The following HCN4 variants were observed in gnomAD, a reference collection of about 807,000 sequenced individuals.
HCN4 encodes the protein potassium/sodium hyperpolarization-activated cyclic nucleotide-gated channel 4.
HCN4 carries 29 observed loss-of-function variants against 76.9 expected under a neutral mutation model. The ratio of observed to expected loss-of-function variants is 0.38; its 90% CI spans 0.28 to 0.51. The LOEUF is 0.51. HCN4 is among the 20% of genes least tolerant of loss of function. The pLI is 0.90. For synonymous variants in HCN4, 772 were observed against 762.5 expected (o/e 1.01, Z -0.21); for missense variants, 1,416 against 1,715.2 (o/e 0.83, Z 3.08).
chr15:73,334,485 G>C (rs1470586472), intron 2 of HCN4, among the ~76,000 whole-genome samples: 1 of 151,986 alleles, frequency 6.6e-6, no homozygotes, highest in African/African-American at 2.4e-5. Flanking sequence ...TTAACACTTA[G>C]GTGAATGTGA....
Position 73,322,341 on chromosome 15 carries a change from C to T in HCN4, c.*140G>A. On this transcript the variant is annotated 3_prime_UTR_variant, in exon 8 of 8. Coordinates refer to ENST00000261917, the MANE Select transcript of HCN4 (RefSeq NM_005477.3). The stretch of plus-strand genomic sequence containing the variant: ...AGCTCTAAGAATACCTGGTTATTTT[C>T]TGCTGTCTTTTGTTTTTCTGGTGTG... The T allele has an allele frequency of 1.4e-6, 1 of 718,970 alleles. No homozygotes were observed. Among genetic ancestry groups the T allele is most frequent in the Non-Finnish European group, 2.4e-6 (1 of 421,388 alleles). 44.5% of individuals were successfully genotyped at this position (718,970 alleles called of 1,614,324 possible).
At chr15:73,329,860 C>G (rs1254458773) in intron 3 of HCN4, 69 bp from the exon 4 acceptor site, 10 of 1,278,730 alleles carry the variant, frequency 7.8e-6, no homozygotes, top group Non-Finnish European at 1.1e-5. Context: ...AAGAAAAGGC[C>G]CTGCCACCTC....
intron 4 of HCN4, among the ~76,000 whole-genome samples, chr15:73,326,204 T>C (rs2042898204): frequency 6.6e-6 from 1 of 151,730 alleles, no homozygotes; most frequent in Non-Finnish European, 1.5e-5. Context: ...ATGGGAGGTA[T>C]TGATTAGGCA....
intron 1 of HCN4, among the ~76,000 whole-genome samples, chr15:73,353,764 T>C (rs1020388867): frequency 2.0e-5 from 3 of 152,052 alleles, no homozygotes; most frequent in African/African-American, 7.2e-5. Flanking sequence ...GGGGCTGGCA[T>C]CTTAGCCTCC....
rs746579980 is a variant in HCN4 at position 73,322,994 on chromosome 15, G to C, written c.3099C>G (p.Gly1033=). 2 of 1,454,354 alleles carry C rather than the reference G, an allele frequency of 1.4e-6. No individual in the cohort carries two copies. The highest frequency in any genetic ancestry group is 1.8e-6 in the Non-Finnish European group (2 of 1,103,828). 90.1% of individuals were successfully genotyped at this position (1,454,354 alleles called of 1,614,324 possible). A position where few individuals can be genotyped will look rare whatever the true frequency, so the allele number is the denominator to read the frequency against. ...GGGCACTCGGGAAGGTTCTTGGGGGGCCTGGGCTGTGGCCAGGGGGGCTGA... is the reference window on the plus strand; with the variant it reads ...GGGCACTCGGGAAGGTTCTTGGGGGCCCTGGGCTGTGGCCAGGGGGGCTGA... ...GGLSPPGHSP[G]PPRTFPSAPP... Residue 1033 remains glycine (G), a synonymous_variant, in exon 8 of 8, where the codon GGC becomes GGG. Transcript: ENST00000261917.
At chr15:73,357,006 C>T (rs912215264) in intron 1 of HCN4, among the ~76,000 whole-genome samples, 1 of 152,166 alleles carries the variant, frequency 6.6e-6, no homozygotes, top group Non-Finnish European at 1.5e-5. Flanking sequence ...GGATGCCCAG[C>T]TCATTGGCTC....
chr15:73,323,575 C>G lies in HCN4; in HGVS notation c.2518G>C (p.Ala840Pro), dbSNP rs761507884. The part of the protein sequence containing the change: ...QSLIPSALGS[A>P]SPASSPSQVD... Reference sequence around the variant, plus strand: ...TGGGACGGGCTGCTGGCGGGCGAGGCGGAGCCCAGCGCAGAAGGGATCAGG... The same window carrying G: ...TGGGACGGGCTGCTGGCGGGCGAGGGGGAGCCCAGCGCAGAAGGGATCAGG... The change falls in exon 8 of 8, where the codon GCC (alanine) becomes CCC (proline). Residue 840 changes from alanine to proline, a missense_variant. By Grantham distance (27) the Ala-to-Pro change is conservative. Transcript: ENST00000261917. The G allele has an allele frequency of 3.1e-6, 5 of 1,600,700 alleles. No individual in the cohort carries two copies. In the Admixed American group the frequency reaches 8.3e-5, roughly 27 times the overall value.
In HCN4 at chr15:73,325,243, G is replaced by A; in HGVS notation, c.1738-48C>T. ...ACACGGGAAGGAGGTGGTGAGGGGA[G>A]CTGGCTGCCAGGAAGGCCTGGCTCC... On this transcript the variant is annotated intron_variant, in intron 5 of 7. Coordinates refer to ENST00000261917, the MANE Select transcript of HCN4 (RefSeq NM_005477.3). This position sits in a 1 kb window ranked among gnomAD's most constrained non-coding sequence, Gnocchi z 7.4. 10 of 1,614,172 alleles carry A rather than the reference G, an allele frequency of 6.2e-6. No homozygotes were observed. Among genetic ancestry groups the A allele is most frequent in the Non-Finnish European group, 8.5e-6 (10 of 1,180,002 alleles).
In HCN4 at chr15:73,323,600, G is replaced by T. The variant is rs1372157927; in HGVS notation, c.2493C>A (p.Ser831=). 1.9e-6 allele frequency: 3 copies of T among 1,601,320 alleles called. No individual in the cohort carries two copies. Among genetic ancestry groups the T allele is most frequent in the African/African-American group, 2.7e-5 (2 of 74,908 alleles). ...CGGAGCCCAGCGCAGAAGGGATCAGGGACTGCAGCCGTTTCAGGTGCCTTG... is the reference window on the plus strand; with the variant it reads ...CGGAGCCCAGCGCAGAAGGGATCAGTGACTGCAGCCGTTTCAGGTGCCTTG... ...QTPRHLKRLQ[S]LIPSALGSAS... The change falls in exon 8 of 8, where the codon TCC becomes TCA. Residue 831 remains serine, a synonymous_variant. Coordinates refer to ENST00000261917, the MANE Select transcript of HCN4 (RefSeq NM_005477.3).
intron 2 of HCN4, among the ~76,000 whole-genome samples, chr15:73,334,233 T>C (rs181475357): frequency 6.6e-6 from 1 of 152,272 alleles, no homozygotes; most frequent in Admixed American, 6.5e-5. Flanking sequence ...CTGCTCAGCA[T>C]CTGCCATGGC....
At chr15:73,324,780 G>T (rs185184990) in intron 6 of HCN4, among the ~76,000 whole-genome samples, 175 bp downstream of exon 6, 3 of 152,148 alleles carry the variant, frequency 2.0e-5, no homozygotes, top group African/African-American at 2.4e-5. Flanking sequence ...CCCAGTCTGC[G>T]GCACTTTTGT....
intron 1 of HCN4, among the ~76,000 whole-genome samples, chr15:73,366,928 A>T (rs1479410485): frequency 5.3e-5 from 8 of 152,210 alleles, no homozygotes; most frequent in Non-Finnish European, 1.2e-4. Context: ...AGCTGAGCTC[A>T]GGGTTACGGT....
intron 1 of HCN4, among the ~76,000 whole-genome samples, chr15:73,350,284 G>C (rs987180637): frequency 6.6e-6 from 1 of 152,098 alleles, no homozygotes; most frequent in African/African-American, 2.4e-5. Flanking sequence ...CCCTCCTCCT[G>C]GCACCGTCAT....
rs1471038890 is a variant in HCN4 at position 73,325,713 on chromosome 15, C to T, written c.1591-269G>A. 6.6e-6 allele frequency among the ~76,000 whole-genome samples: 1 copy of T among 152,152 alleles called. No individual in the cohort carries two copies. Among genetic ancestry groups the T allele is most frequent in the Non-Finnish European group, 1.5e-5 (1 of 68,036 alleles). On this transcript the variant is annotated intron_variant, in intron 4 of 7. Transcript: ENST00000261917. The surrounding 1 kb of genome is among the most constrained non-coding windows in gnomAD (Gnocchi z 7.4). Reference sequence around the variant, plus strand: ...TCAATACTAAGGAGGTGGGTGAGGGCGGCAGGGAATGTCCAAAGCCCAGTG... The same window carrying T: ...TCAATACTAAGGAGGTGGGTGAGGGTGGCAGGGAATGTCCAAAGCCCAGTG...
intron 2 of HCN4, among the ~76,000 whole-genome samples, chr15:73,339,527 G>C (rs367831854): frequency 3.3e-5 from 5 of 152,348 alleles, no homozygotes; most frequent in African/African-American, 7.2e-5. Context: ...CTACAACAAG[G>C]TCTTCAGAAT....
At chr15:73,331,749 G>T (rs568435) in intron 3 of HCN4, among the ~76,000 whole-genome samples, 1 of 151,972 alleles carries the variant, frequency 6.6e-6, no homozygotes, top group South Asian at 2.1e-4. Context: ...CCAGCCTCAG[G>T]CTCAGCTTTT....
At chr15:73,359,499 G>A (rs886371482) in intron 1 of HCN4, among the ~76,000 whole-genome samples, 4 of 152,242 alleles carry the variant, frequency 2.6e-5, no homozygotes, top group African/African-American at 9.6e-5. Context: ...GGAACTTAGG[G>A]AGAGCTTCCT....
At chr15:73,327,787 T>C (rs570214179) in intron 4 of HCN4, among the ~76,000 whole-genome samples, 4 of 152,266 alleles carry the variant, frequency 2.6e-5, no homozygotes, top group Admixed American at 2.0e-4. Flanking sequence ...TAGAATTCTC[T>C]TCCACCTTCT....
intron 1 of HCN4, among the ~76,000 whole-genome samples, chr15:73,351,683 A>G (rs1005690862): frequency 6.6e-5 from 10 of 152,056 alleles, no homozygotes; most frequent in African/African-American, 2.4e-4. Flanking sequence ...TGGGGCCAGC[A>G]CCCTCCTCCA....
Sources: gnomAD v4.1 joint callset for allele counts (sites outside exome capture counted in the v4.1 genomes callset) on GRCh38, gnomAD v4.1.1 for gene constraint, Gnocchi (gnomAD v3.1) non-coding constraint, MANE v1.5 for transcripts, NCBI Gene and HGNC (gene_info 2026-07-23, HGNC 2026-07-21) for gene names.